CPN1: variants seen among roughly 807,000 people sequenced by gnomAD.
CPN1 encodes carboxypeptidase N subunit 1, also known as carboxypeptidase N catalytic chain.
Under a neutral mutation model 46.4 loss-of-function variants are expected in CPN1, and 37 were observed. That is an observed-to-expected ratio of 0.80 (90% CI 0.61 to 1.05). The LOEUF is 1.05. CPN1 is among the 50% of genes least tolerant of loss of function. The pLI is 0.00. For synonymous variants in CPN1, 224 were observed against 235.4 expected, an observed-to-expected ratio of 0.95 and a Z score of 0.44; for missense variants, 563 against 602.6, an observed-to-expected ratio of 0.93 and a Z score of 0.69.
intron 8 of CPN1, among the ~76,000 whole-genome samples, chr10:100,046,823 T>C (rs1236815124): frequency 7.3e-6 from 1 of 137,742 alleles, no homozygotes; most frequent in East Asian, 2.2e-4. Flanking sequence ...TCTGTAATCC[T>C]AGCACTTTGG....
chr10:100,079,996 G>A (rs183678519), intron 1 of CPN1, among the ~76,000 whole-genome samples: 84 of 151,960 alleles, frequency 5.5e-4, no homozygotes, highest in Non-Finnish European at 9.7e-4. Flanking sequence ...TGAGGCAGGA[G>A]AATTGCTTGA....
At position 100,048,833 on chromosome 10, in the gene CPN1, G is replaced by A. The variant is rs745316196; in HGVS notation, c.1155C>T (p.Tyr385=). The A allele has an allele frequency of 1.4e-5, 23 of 1,613,866 alleles. No individual in the cohort carries two copies. Among genetic ancestry groups the A allele is most frequent in the Non-Finnish European group, 4.2e-6 (5 of 1,179,866 alleles). ...DYFRLLLPGI[Y]TVSATAPGYD... ...ACCCAGGTGCTGTGGCACTAACAGT[G>A]TAGATACCTGGAAGCAGCAGCCGGA... Residue 385 remains tyrosine (Y), a synonymous_variant, in exon 8 of 9, where the codon TAC becomes TAT. Coordinates refer to ENST00000370418, the MANE Select transcript of CPN1 (RefSeq NM_001308.3).
At chr10:100,050,958 A>C (rs943784230) in intron 7 of CPN1, among the ~76,000 whole-genome samples, 1 of 151,940 alleles carries the variant, frequency 6.6e-6, no homozygotes, top group Non-Finnish European at 1.5e-5. Flanking sequence ...TATTTCTTCT[A>C]TTGGGCTGGT....
chr10:100,051,387 C>T (rs1310483093), intron 7 of CPN1, among the ~76,000 whole-genome samples: 3 of 152,092 alleles, frequency 2.0e-5, no homozygotes, highest in East Asian at 1.9e-4. Context: ...AAGTGGTTAG[C>T]GAGTGTTGTA....
At chr10:100,062,430 G>A (rs551253318) in intron 5 of CPN1, among the ~76,000 whole-genome samples, 76 of 152,198 alleles carry the variant, frequency 5.0e-4, no homozygotes, top group African/African-American at 1.7e-3. Context: ...CAGGGGAACT[G>A]GTTGTGCCCA....
intron 4 of CPN1, 61 bp from the exon 5 acceptor site, chr10:100,063,786 T>G: frequency 7.9e-7 from 1 of 1,260,620 alleles, no homozygotes; most frequent in Non-Finnish European, 1.2e-6. Context: ...GCAATGCTCC[T>G]ACTCACAACT....
chr10:100,075,293 A>G (rs185367937), intron 2 of CPN1, among the ~76,000 whole-genome samples: 2 of 152,360 alleles, frequency 1.3e-5, no homozygotes, highest in African/African-American at 4.8e-5. Flanking sequence ...CTATCCCAAA[A>G]AAAGAAAGCC....
chr10:100,044,418 A>T (rs118163003), intron 8 of CPN1, among the ~76,000 whole-genome samples: 3,809 of 152,278 alleles, frequency 0.025, 85 homozygotes, highest in African/African-American at 0.054. Context: ...TCTGTCATCC[A>T]GGCTGGAGTG....
At chr10:100,047,256 A>G (rs2041319883) in intron 8 of CPN1, among the ~76,000 whole-genome samples, 2 of 152,120 alleles carry the variant, frequency 1.3e-5, no homozygotes, top group East Asian at 3.9e-4. Flanking sequence ...GAGGAGGAGG[A>G]CAAGGAAGAG....
In CPN1 at chr10:100,058,614, T is replaced by C. The variant is rs376742870; in HGVS notation, c.872-1462A>G. On this transcript the variant is annotated intron_variant, in intron 5 of 8. Coordinates refer to ENST00000370418, the MANE Select transcript of CPN1 (RefSeq NM_001308.3). ...AAAATGTCTGTACTACCCAAAGTGA[T>C]CTACAGATTCAATGCAATCCCTATC... Among the ~76,000 whole-genome samples the C allele has an allele frequency of 1.2e-4, 18 of 152,306 alleles. No homozygotes were observed. In the East Asian group the frequency reaches 3.3e-3, roughly 28 times the overall value.
At chr10:100,059,132 G>T (rs1201727422) in intron 5 of CPN1, among the ~76,000 whole-genome samples, 2 of 152,070 alleles carry the variant, frequency 1.3e-5, no homozygotes, top group African/African-American at 2.4e-5. Flanking sequence ...ATTTGGCAAT[G>T]ATTTCCTGGA....
At chr10:100,071,578 C>T (rs543644421) in intron 2 of CPN1, among the ~76,000 whole-genome samples, 34 of 152,256 alleles carry the variant, frequency 2.2e-4, no homozygotes, top group African/African-American at 7.0e-4. Flanking sequence ...CAATTGTATC[C>T]GTAAAGACCC....
intron 1 of CPN1, among the ~76,000 whole-genome samples, chr10:100,077,737 A>G (rs940077183): frequency 4.6e-5 from 7 of 152,014 alleles, no homozygotes; most frequent in African/African-American, 1.7e-4. Context: ...GTATTTTTTT[A>G]AATCATAGAT....
At chr10:100,063,225 A>G (rs1015408078) in intron 5 of CPN1, among the ~76,000 whole-genome samples, 3 of 152,002 alleles carry the variant, frequency 2.0e-5, no homozygotes, top group Non-Finnish European at 4.4e-5. Flanking sequence ...GGTTCATGCC[A>G]TTCTCCTGAC....
Position 100,063,700 on chromosome 10 carries a change from T to G in CPN1, c.785A>C (p.His262Pro). The G allele has an allele frequency of 6.2e-7, 1 of 1,613,984 alleles. No individual in the cohort carries two copies. Among genetic ancestry groups the G allele is most frequent in the Non-Finnish European group, 8.5e-7 (1 of 1,179,964 alleles). Residue 262 changes from histidine to proline, a missense_variant, in exon 5 of 9, where the codon CAT becomes CCT. His to Pro is a moderately conservative substitution (Grantham distance 77). Coordinates refer to ENST00000370418, the MANE Select transcript of CPN1 (RefSeq NM_001308.3). ...QKLAKVYSYA[H>P]GWMFQGWNCG... ...GTTCCAACCTTGGAACATCCATCCA[T>G]GTGCATAGGAGTAGACCTTGGCCAG...
rs2041481369 is a variant in CPN1 at position 100,071,043 on chromosome 10, T to C, written c.421-1174A>G. Among the ~76,000 whole-genome samples, 4 of 152,308 alleles carry C rather than the reference T, an allele frequency of 2.6e-5. No homozygotes were observed. The South Asian group carries it at 8.3e-4, about 32-fold the overall frequency. The stretch of plus-strand genomic sequence containing the variant: ...TAAGTGGGTCATACATTATCTGTTC[T>C]TTTGTGGGTTTTTCCCCCACACTGG... On this transcript the variant is annotated intron_variant, in intron 2 of 8. Coordinates refer to ENST00000370418, the MANE Select transcript of CPN1 (RefSeq NM_001308.3).
chr10:100,046,309 G>C (rs1254639213), intron 8 of CPN1, among the ~76,000 whole-genome samples: 1 of 152,216 alleles, frequency 6.6e-6, no homozygotes, highest in East Asian at 1.9e-4. Flanking sequence ...GATTTAGGCC[G>C]ATCACAGTCT....
intron 1 of CPN1, 71 bp downstream of exon 1, chr10:100,081,332 C>G: frequency 7.2e-7 from 1 of 1,392,090 alleles, no homozygotes; most frequent in South Asian, 1.2e-5. Context: ...ACCCCAGAAA[C>G]CACTCCAATT....
chr10:100,069,468 G>A (rs927959444), intron 3 of CPN1, among the ~76,000 whole-genome samples: 7 of 132,824 alleles, frequency 5.3e-5, no homozygotes, highest in African/African-American at 2.3e-4. Flanking sequence ...GCGACAGAGC[G>A]AGACTCTGTC....
Sources: allele counts gnomAD v4.1 joint callset (sites outside exome capture counted in the v4.1 genomes callset), GRCh38; gene constraint gnomAD v4.1.1; transcripts MANE v1.5; gene names NCBI Gene and HGNC (gene_info 2026-07-23, HGNC 2026-07-21).